The following IRAK1BP1 variants were observed in gnomAD, a reference collection of about 807,000 sequenced individuals.
The protein encoded by IRAK1BP1 is interleukin 1 receptor associated kinase 1 binding protein 1.
In IRAK1BP1, 24 loss-of-function variants were observed where a neutral mutation model predicts 28.0. The observed-to-expected ratio is 0.86, with a 90% CI of 0.62 to 1.20. IRAK1BP1 has a LOEUF of 1.20. IRAK1BP1 is among the 50% of genes most tolerant of loss of function. The pLI is 0.00. For missense variants in IRAK1BP1, 336 were observed against 316.7 expected, an observed-to-expected ratio of 1.06 and a Z score of -0.46; for synonymous variants, 131 against 116.3, an observed-to-expected ratio of 1.13 and a Z score of -0.81.
At chr6:78,870,876 A>G (rs188230465) in intron 1 of IRAK1BP1, among the ~76,000 whole-genome samples, 2 of 151,816 alleles carry the variant, frequency 1.3e-5, no homozygotes, top group Non-Finnish European at 2.9e-5. Flanking sequence ...CACGCCTGGT[A>G]ATTTTTGTAT....
chr6:78,931,713 A>G (rs1582057302), intron 4 of IRAK1BP1, among the ~76,000 whole-genome samples: 1 of 152,184 alleles, frequency 6.6e-6, no homozygotes. Context: ...GAAAATGCTA[A>G]TGATCATCTG....
the IRAK1BP1 span, chr6:78,958,418 A>C: frequency 3.7e-6 from 4 of 1,086,130 alleles, no homozygotes; most frequent in Admixed American, 7.8e-5. Flanking sequence ...TTTAAGAGGA[A>C]CTGTAGTGCC....
chr6:78,885,857 C>A (rs1009845828), intron 2 of IRAK1BP1, among the ~76,000 whole-genome samples: 3 of 152,142 alleles, frequency 2.0e-5, no homozygotes, highest in Admixed American at 6.6e-5. Context: ...AAAATGAAAA[C>A]CATTCAACCT....
At chr6:78,920,903 T>G (rs992899134) in intron 4 of IRAK1BP1, among the ~76,000 whole-genome samples, 2 of 152,182 alleles carry the variant, frequency 1.3e-5, no homozygotes, top group Non-Finnish European at 2.9e-5. Context: ...AAAGTTCTAG[T>G]ATGTAGAATC....
At position 78,921,758 on chromosome 6, in the gene IRAK1BP1, C is replaced by T. The variant is rs184592374; in HGVS notation, c.*67+18648C>T. 2.0e-5 allele frequency among the ~76,000 whole-genome samples: 3 copies of T among 152,318 alleles called. No homozygotes were observed. The East Asian group carries it at 5.8e-4, about 29-fold the overall frequency. On this transcript the variant is annotated intron_variant and NMD_transcript_variant, in intron 4 of 4. Transcript: ENST00000606868. ...AGGAACGATCAGGCAGCAACATTGG[C>T]TATTCACCAATATCTGCTGTTCTGC...
At chr6:78,879,851 C>T (rs1375232207) in intron 1 of IRAK1BP1, among the ~76,000 whole-genome samples, 1 of 152,154 alleles carries the variant, frequency 6.6e-6, no homozygotes, top group East Asian at 1.9e-4. Context: ...GACTCAGTCC[C>T]CTTCCTGCAG....
exon 5 of IRAK1BP1, chr6:78,945,530 AGT>A (rs1274651509): frequency 7.4e-7 from 1 of 1,343,076 alleles, no homozygotes; most frequent in African/African-American, 1.5e-5. Context: ...AAAAATTAAG[AGT>A]TATTGAACCT....
At chr6:78,893,033 A>G (rs1053656459) in intron 2 of IRAK1BP1, among the ~76,000 whole-genome samples, 7 of 151,876 alleles carry the variant, frequency 4.6e-5, no homozygotes, top group Non-Finnish European at 1.0e-4. Flanking sequence ...CTTTATGAGA[A>G]TTATAAACCC....
the IRAK1BP1 span, chr6:78,955,312 A>G: frequency 1.3e-6 from 2 of 1,529,964 alleles, no homozygotes; most frequent in Admixed American, 1.7e-5. Flanking sequence ...CAGATTCATA[A>G]AACATTTTAG....
chr6:78,939,625 A>G (rs1182535645), intron 4 of IRAK1BP1: 1 of 151,984 alleles, frequency 6.6e-6, no homozygotes, highest in Non-Finnish European at 1.5e-5. Context: ...ATCAATATAT[A>G]CACATACACA....
At chr6:78,930,611 T>C (rs1349463304) in intron 4 of IRAK1BP1, among the ~76,000 whole-genome samples, 5 of 152,062 alleles carry the variant, frequency 3.3e-5, no homozygotes, top group Admixed American at 6.6e-5. Flanking sequence ...CTAAGAACAA[T>C]AGTGAAATAC....
chr6:78,947,855 T>A, downstream of IRAK1BP1: 1 of 931,546 alleles, frequency 1.1e-6, no homozygotes, highest in Non-Finnish European at 1.7e-6. Flanking sequence ...CGCACAGGAT[T>A]TTTATGATGA....
chr6:78,956,443 T>C, the IRAK1BP1 span: 1 of 152,178 alleles, frequency 6.6e-6, no homozygotes, highest in African/African-American at 2.4e-5. Flanking sequence ...GTCTCTTCTC[T>C]GTCAATTAAA....
chr6:78,977,268 T>C, the IRAK1BP1 span, among the ~76,000 whole-genome samples: 2 of 151,228 alleles, frequency 1.3e-5, no homozygotes, highest in African/African-American at 4.9e-5. Flanking sequence ...CAGTAAACTA[T>C]TGCAAGAACA....
intron 2 of IRAK1BP1, among the ~76,000 whole-genome samples, chr6:78,891,310 TA>T (rs1007407406): frequency 1.3e-5 from 2 of 152,224 alleles, no homozygotes; most frequent in Middle Eastern, 3.4e-3. Context: ...GATTTAATTT[TA>T]AAAAAAGGTT....
exon 5 of IRAK1BP1, chr6:78,946,206 G>T (rs1210951870): frequency 6.2e-7 from 1 of 1,612,556 alleles, no homozygotes; most frequent in Non-Finnish European, 8.5e-7. Flanking sequence ...AGAATGCAGA[G>T]GTAGAGCTTT....
chr6:78,932,429 T>TC (rs1294891097), intron 4 of IRAK1BP1, among the ~76,000 whole-genome samples: 1 of 148,390 alleles, frequency 6.7e-6, no homozygotes, highest in Non-Finnish European at 1.5e-5. Flanking sequence ...TTCTTTTTTT[T>TC]TTTTTTTTTG....
In IRAK1BP1 at chr6:78,885,395, GAC is replaced by G; in HGVS notation, c.335_336del (p.Thr112LysfsTer4). On this transcript the variant is annotated frameshift_variant, in exon 2 of 4. Coordinates refer to ENST00000369940, the MANE Select transcript of IRAK1BP1 (RefSeq NM_001010844.4). LOFTEE classifies it high-confidence loss of function. ...QGVQAENITV[T>X]KDFRRVENAY... ...TGTTTCAGGCAGAAAATATAACTGT[GAC>G]AAAGGATTTTAGGAGAGTGGAAAAT... 1 of 1,582,914 alleles carries G rather than the reference GAC, an allele frequency of 6.3e-7. No homozygotes were observed. The highest frequency in any genetic ancestry group is 8.6e-7 in the Non-Finnish European group (1 of 1,157,526).
chr6:78,925,227 G>T (rs575586419), intron 4 of IRAK1BP1, among the ~76,000 whole-genome samples: 53 of 152,128 alleles, frequency 3.5e-4, no homozygotes, highest in Non-Finnish European at 6.5e-4. Flanking sequence ...TTAAATGACG[G>T]AGTTAGTGGG....
Sources: gnomAD v4.1 joint callset for allele counts (sites outside exome capture counted in the v4.1 genomes callset) on GRCh38, gnomAD v4.1.1 for gene constraint, MANE v1.5 for transcripts, NCBI Gene and HGNC (gene_info 2026-07-23, HGNC 2026-07-21) for gene names.